Variants in LCORL observed in about 807,000 individuals in gnomAD.
LCORL encodes ligand dependent nuclear receptor corepressor like.
A neutral mutation model predicts 141.8 loss-of-function variants in LCORL; 41 were observed. The ratio of observed to expected loss-of-function variants is 0.29; its 90% CI spans 0.23 to 0.38. LCORL has a LOEUF of 0.38. Ranked by LOEUF, LCORL falls within the 10% of genes least tolerant of loss-of-function variation. The pLI is 1.00. For missense variants in LCORL, 1,759 were observed against 2,035.0 expected, an observed-to-expected ratio of 0.86 and a Z score of 2.61; for synonymous variants, 618 against 694.1, an observed-to-expected ratio of 0.89 and a Z score of 1.72.
At chr4:17,956,048 G>GA (rs975491589) in intron 4 of LCORL, among the ~76,000 whole-genome samples, 7 of 152,016 alleles carry the variant, frequency 4.6e-5, no homozygotes, top group African/African-American at 1.7e-4. Context: ...ACAGGCATAT[G>GA]AAAAAAATGT....
At chr4:17,882,459 G>A in intron 6 of LCORL, 2 of 984,470 alleles carry the variant, frequency 2.0e-6, no homozygotes, top group Non-Finnish European at 2.4e-6. Context: ...AAAACTGCTA[G>A]GTAAAAATGA....
At chr4:17,947,231 GCAA>G (rs986381440) in intron 4 of LCORL, among the ~76,000 whole-genome samples, 15 of 151,968 alleles carry the variant, frequency 9.9e-5, no homozygotes, top group African/African-American at 3.6e-4. Context: ...TCTGTCATTT[GCAA>G]CAACATGGAT....
At chr4:17,973,014 T>A (rs1006670644) in intron 1 of LCORL, 129 bp from the exon 2 acceptor site, 1 of 398,400 alleles carries the variant, frequency 2.5e-6, no homozygotes, top group Non-Finnish European at 4.4e-6. Flanking sequence ...TCTAGCTGCA[T>A]TAAACTGAAG....
chr4:17,993,395 G>A (rs752332018), intron 1 of LCORL, among the ~76,000 whole-genome samples: 9 of 151,924 alleles, frequency 5.9e-5, no homozygotes, highest in African/African-American at 1.2e-4. Flanking sequence ...TAGTAGAAGC[G>A]GGTTTCATCA....
At chr4:17,950,861 C>G (rs888674580) in intron 4 of LCORL, among the ~76,000 whole-genome samples, 2 of 151,984 alleles carry the variant, frequency 1.3e-5, no homozygotes, top group African/African-American at 4.8e-5. Context: ...TTGATCATGA[C>G]AGGAGAAGAC....
chr4:17,893,651 A>G, intron 5 of LCORL: 6 of 941,360 alleles, frequency 6.4e-6, no homozygotes, highest in Non-Finnish European at 7.6e-6. Context: ...GTTTTGCTAC[A>G]GTAGGTAAAG....
chr4:17,946,857 A>T (rs1224225144), intron 4 of LCORL, among the ~76,000 whole-genome samples: 1 of 151,968 alleles, frequency 6.6e-6, no homozygotes, highest in Non-Finnish European at 1.5e-5. Context: ...ACTAAGAGCT[A>T]TTAAAAGAAG....
intron 4 of LCORL, among the ~76,000 whole-genome samples, chr4:17,926,027 T>C (rs570089213): frequency 1.3e-5 from 2 of 152,326 alleles, no homozygotes; most frequent in East Asian, 3.9e-4. Context: ...GTTAACTTTA[T>C]GTAATAGCAT....
intron 1 of LCORL, among the ~76,000 whole-genome samples, chr4:18,002,008 AG>A (rs1490057716): frequency 2.0e-5 from 3 of 152,202 alleles, no homozygotes; most frequent in Non-Finnish European, 2.9e-5. Flanking sequence ...AGATTTTCCA[AG>A]GCATAATTTG....
At chr4:17,925,027 G>C (rs1734901836) in intron 4 of LCORL, among the ~76,000 whole-genome samples, 1 of 152,172 alleles carries the variant, frequency 6.6e-6, no homozygotes, top group Admixed American at 6.5e-5. Flanking sequence ...CAAAATTCTT[G>C]CTTCCTGTTC....
chr4:17,987,945 T>A (rs946233990), intron 1 of LCORL, among the ~76,000 whole-genome samples: 1 of 152,216 alleles, frequency 6.6e-6, no homozygotes, highest in Non-Finnish European at 1.5e-5. Context: ...TTTTTCTTGA[T>A]ACAGGATGAT....
At chr4:18,007,672 G>C (rs1488174527) in intron 1 of LCORL, among the ~76,000 whole-genome samples, 1 of 152,054 alleles carries the variant, frequency 6.6e-6, no homozygotes, top group African/African-American at 2.4e-5. Context: ...TTAGCAGATG[G>C]CCATGCTTCT....
chr4:17,847,668 A>G (rs1289396893), intron 7 of LCORL, among the ~76,000 whole-genome samples: 1 of 152,198 alleles, frequency 6.6e-6, no homozygotes, highest in Non-Finnish European at 1.5e-5. Context: ...CATATTAGAA[A>G]TGATAACTGA....
chr4:18,002,934 C>G (rs1307651579), intron 1 of LCORL, among the ~76,000 whole-genome samples: 1 of 152,224 alleles, frequency 6.6e-6, no homozygotes, highest in Non-Finnish European at 1.5e-5. Context: ...AGTGGCATCT[C>G]TATCAATCCC....
At chr4:17,993,551 T>C (rs1185817983) in intron 1 of LCORL, among the ~76,000 whole-genome samples, 7 of 151,232 alleles carry the variant, frequency 4.6e-5, no homozygotes, top group Admixed American at 6.6e-5. Flanking sequence ...AAAAAAATGG[T>C]ATGAGTAAAG....
At chr4:17,979,927 T>C (rs1461395858) in intron 1 of LCORL, among the ~76,000 whole-genome samples, 7 of 152,122 alleles carry the variant, frequency 4.6e-5, no homozygotes, top group African/African-American at 1.7e-4. Flanking sequence ...AGAGATGAAA[T>C]TGTGAGAAAG....
chr4:17,893,718 C>T (rs1383447104), intron 5 of LCORL: 2 of 256,714 alleles, frequency 7.8e-6, no homozygotes, highest in Non-Finnish European at 6.1e-6. Flanking sequence ...TGTGTTTTTA[C>T]AGCTGGTATC....
At chr4:17,986,736 T>G (rs1671791125) in intron 1 of LCORL, among the ~76,000 whole-genome samples, 1 of 152,204 alleles carries the variant, frequency 6.6e-6, no homozygotes, top group South Asian at 2.1e-4. Flanking sequence ...ATGATCTTTT[T>G]TTTTTCCTAT....
intron 1 of LCORL, among the ~76,000 whole-genome samples, chr4:17,973,342 T>C (rs1716338037): frequency 1.3e-5 from 2 of 151,870 alleles, no homozygotes; most frequent in South Asian, 2.1e-4. Context: ...AAACATATGA[T>C]GTATAAAATT....
Sources: allele counts gnomAD v4.1 joint callset (sites outside exome capture counted in the v4.1 genomes callset), GRCh38; gene constraint gnomAD v4.1.1; transcripts MANE v1.5; gene names NCBI Gene and HGNC (gene_info 2026-07-23, HGNC 2026-07-21).